The following IL12RB1 variants were observed in gnomAD, a reference collection of about 807,000 sequenced individuals.
IL12RB1 encodes the protein interleukin 12 receptor subunit beta 1.
In IL12RB1, 64 loss-of-function variants were observed where a neutral mutation model predicts 94.4. The observed-to-expected ratio is 0.68, with a 90% CI of 0.55 to 0.83. IL12RB1 has a LOEUF of 0.83. IL12RB1 is among the 40% of genes least tolerant of loss of function. The pLI is 0.00. For synonymous variants in IL12RB1, 362 were observed against 355.5 expected (o/e 1.02, Z -0.21); for missense variants, 814 against 855.6 (o/e 0.95, Z 0.61).
intron 1 of IL12RB1, among the ~76,000 whole-genome samples, chr19:18,097,341 G>C (rs2037030597): frequency 6.6e-6 from 1 of 151,752 alleles, no homozygotes; most frequent in African/African-American, 2.4e-5. Flanking sequence ...CCACCCCCAA[G>C]TAATTTTTTT....
chr19:18,070,429 G>T, intron 9 of IL12RB1: 2 of 627,002 alleles, frequency 3.2e-6, no homozygotes, highest in South Asian at 7.1e-5. Flanking sequence ...GGCCTGACCG[G>T]CGCCACTGGT....
chr19:18,067,326 G>GAA (rs57327846), intron 11 of IL12RB1, among the ~76,000 whole-genome samples: 23,155 of 81,934 alleles, frequency 0.28, 3,985 homozygotes, highest in Non-Finnish European at 0.41. Context: ...TCTGTCTCAA[G>GAA]AAAAAAAAAA....
chr19:18,091,052 G>A (rs190924820), upstream of IL12RB1, among the ~76,000 whole-genome samples: 6 of 152,202 alleles, frequency 3.9e-5, 1 homozygote, highest in South Asian at 8.3e-4. Flanking sequence ...CTGGGGCCTC[G>A]AGCGCCAGGC....
intron 1 of IL12RB1, among the ~76,000 whole-genome samples, chr19:18,086,509 GT>G (rs1172869022): frequency 6.6e-6 from 1 of 151,618 alleles, no homozygotes; most frequent in Non-Finnish European, 1.5e-5. Flanking sequence ...TCCTTCCTTA[GT>G]TTTTTTTCTC....
intron 14 of IL12RB1, among the ~76,000 whole-genome samples, chr19:18,061,862 C>CAAAAAAGAAAAAAAAAAAGAAAA (rs71336662): frequency 7.0e-6 from 1 of 141,896 alleles, no homozygotes; most frequent in Non-Finnish European, 1.5e-5. Context: ...GACTCCATCT[C>CAAAAAAGAAAAAAAAAAAGAAAA]AAAAAAGAAA....
At position 18,063,945 on chromosome 19, in the gene IL12RB1, T is replaced by G; in HGVS notation, c.1549A>C (p.Thr517Pro). 1 of 1,613,204 alleles carries G rather than the reference T, an allele frequency of 6.2e-7. No individual in the cohort carries two copies. The highest frequency in any genetic ancestry group is 8.5e-7 in the Non-Finnish European group (1 of 1,179,408). The stretch of plus-strand genomic sequence containing the variant: ...GCTGTGTCTGCTCGCACCTGCACCG[T>G]GTAGGCTACACCAGCCCGCAGGCCA... The part of the protein sequence containing the change: ...LSGLRAGVAY[T>P]VQVRADTAWL... Residue 517 changes from threonine to proline, a missense_variant, in exon 13 of 17, where the codon ACG becomes CCG. Thr to Pro is a conservative substitution (Grantham distance 38, BLOSUM62 -1). Coordinates refer to ENST00000593993, the MANE Select transcript of IL12RB1 (RefSeq NM_005535.3).
chr19:18,088,404 T>TATATATATATATATATATAA (rs1038225227), upstream of IL12RB1, among the ~76,000 whole-genome samples: 12,577 of 136,310 alleles, frequency 0.092, 791 homozygotes, highest in Non-Finnish European at 0.14. Flanking sequence ...TATATATATA[T>TATATATATATATATATATAA]AAATTAAAAG....
At chr19:18,097,899 CG>C in intron 1 of IL12RB1, 1 of 1,158,276 alleles carries the variant, frequency 8.6e-7, no homozygotes, top group Non-Finnish European at 1.1e-6. Context: ...TGAAAGGTGC[CG>C]GGAGGGGCGG....
chr19:18,074,252 T>A (rs896896868), intron 7 of IL12RB1, among the ~76,000 whole-genome samples: 4 of 151,944 alleles, frequency 2.6e-5, no homozygotes, highest in Admixed American at 2.6e-4. Context: ...CCTCAAACAA[T>A]CCTCTGGCCT....
intron 1 of IL12RB1, among the ~76,000 whole-genome samples, chr19:18,096,844 A>AG (rs1159777139): frequency 1.3e-5 from 2 of 150,756 alleles, no homozygotes; most frequent in East Asian, 3.9e-4. Context: ...AAAAAAAAAA[A>AG]AAAAAGTTTT....
At chr19:18,076,438 T>C (rs1410298307) in intron 5 of IL12RB1, 111 bp from the exon 6 acceptor site, 1 of 710,202 alleles carries the variant, frequency 1.4e-6, no homozygotes, top group African/African-American at 1.7e-5. Context: ...GGTCTCACTC[T>C]GTCATCTAGG....
rs370240272 is a variant in IL12RB1, at chr19:18,059,848, G to A, written c.1983+46C>T. 8.0e-5 allele frequency: 59 copies of A among 739,352 alleles called. No individual in the cohort carries two copies. In the East Asian group the frequency reaches 2.1e-3, roughly 26 times the overall value. The allele number at this position is 739,352 out of a possible 1,614,324, so 45.8% of individuals were successfully genotyped here. A position where few individuals can be genotyped will look rare whatever the true frequency, so the allele number is the denominator to read the frequency against. On this transcript the variant is annotated intron_variant, in intron 16 of 16. Coordinates refer to ENST00000593993, the MANE Select transcript of IL12RB1 (RefSeq NM_005535.3). ...TGGATGTCTAGCCCCCCCACCCCCC[G>A]GGCAGGGTTGCACCCCTGACCGTCT...
intron 11 of IL12RB1, among the ~76,000 whole-genome samples, chr19:18,067,165 A>C (rs1051367201): frequency 6.6e-6 from 1 of 151,212 alleles, no homozygotes; most frequent in Non-Finnish European, 1.5e-5. Flanking sequence ...TTCTACTAAA[A>C]CTACAAAAAT....
chr19:18,095,096 T>C (rs1010401526), intron 1 of IL12RB1, among the ~76,000 whole-genome samples: 2 of 151,022 alleles, frequency 1.3e-5, no homozygotes, highest in Admixed American at 6.6e-5. Context: ...GGAGAATCAA[T>C]TGAACCTGGG....
rs2146320768 is a variant in IL12RB1 at position 18,076,370 on chromosome 19, C to T, written c.550-43G>A. The T allele has an allele frequency of 5.9e-6, 6 of 1,025,360 alleles. No individual in the cohort carries two copies. The East Asian group carries it at 1.4e-4, about 24-fold the overall frequency. The allele number at this position is 1,025,360 out of a possible 1,614,324, so 63.5% of individuals were successfully genotyped here. ...TCATATATTGTTTTGCATTTTGGTG[C>T]TGAAAAATATTTGCTGTTTTACAAT... On this transcript the variant is annotated intron_variant, in intron 5 of 16. Transcript: ENST00000593993.
chr19:18,086,833 G>A lies in IL12RB1; in HGVS notation c.-10C>T, dbSNP rs756272627. The A allele has an allele frequency of 4.4e-6, 7 of 1,608,420 alleles. No individual in the cohort carries two copies. Among genetic ancestry groups the A allele is most frequent in the Admixed American group, 1.7e-5 (1 of 59,596 alleles). On this transcript the variant is annotated 5_prime_UTR_variant, in exon 1 of 17. The change creates a new upstream start codon in the 5' untranslated region. Coordinates refer to ENST00000593993, the MANE Select transcript of IL12RB1 (RefSeq NM_005535.3). ...TCACCAGCGGCTCCATCGGATCCAC[G>A]TAGAGCCCCACAGCCCCAGGGGAGC...
chr19:18,097,337 C>T (rs1397103564), intron 1 of IL12RB1, among the ~76,000 whole-genome samples: 1 of 152,004 alleles, frequency 6.6e-6, no homozygotes, highest in African/African-American at 2.4e-5. Flanking sequence ...GTCACCACCC[C>T]CAAGTAATTT....
intron 10 of IL12RB1, among the ~76,000 whole-genome samples, chr19:18,069,289 G>A (rs953765567): frequency 1.3e-5 from 2 of 152,192 alleles, no homozygotes; most frequent in African/African-American, 4.8e-5. Flanking sequence ...AACACCTTGG[G>A]ATGTGAGATT....
chr19:18,098,476 G>A (rs1412701707), intron 1 of IL12RB1, among the ~76,000 whole-genome samples: 1 of 151,964 alleles, frequency 6.6e-6, no homozygotes, highest in African/African-American at 2.4e-5. Context: ...GTTTTCCAAT[G>A]AGCCATAGGG....
Sources: gnomAD v4.1 joint callset for allele counts (sites outside exome capture counted in the v4.1 genomes callset) on GRCh38, gnomAD v4.1.1 for gene constraint, MANE v1.5 for transcripts, NCBI Gene and HGNC (gene_info 2026-07-23, HGNC 2026-07-21) for gene names.